Variants in GPC6 observed in about 807,000 individuals in gnomAD.
GPC6 encodes glypican-6.
Under a neutral mutation model 55.2 loss-of-function variants are expected in GPC6, and 14 were observed. The observed-to-expected ratio is 0.25, with a 90% CI of 0.17 to 0.40. The LOEUF (loss-of-function observed/expected upper bound fraction) is 0.40, where lower values mean the gene tolerates loss of function less well. Among genes scored for constraint, GPC6 ranks in the 10% least tolerant of loss-of-function variants. The pLI, the probability that GPC6 is intolerant of heterozygous loss-of-function variation, is 1.00. For synonymous variants in GPC6, 278 were observed against 259.6 expected (o/e 1.07, Z -0.68); for missense variants, 641 against 708.5 (o/e 0.90, Z 1.08).
chr13:94,190,121 C>A (rs1015170656), intron 4 of GPC6, among the ~76,000 whole-genome samples: 1 of 150,520 alleles, frequency 6.6e-6, no homozygotes, highest in Admixed American at 6.6e-5. Context: ...CCCAGGAGTT[C>A]GAGACCAGCC....
At chr13:94,374,099 A>G (rs9589980) in intron 6 of GPC6, among the ~76,000 whole-genome samples, 24,435 of 151,988 alleles carry the variant, frequency 0.16, 2,546 homozygotes, top group East Asian at 0.31. Flanking sequence ...GATACCAGCC[A>G]CTGCAAAATC....
intron 4 of GPC6, among the ~76,000 whole-genome samples, chr13:94,121,215 C>A (rs1298756774): frequency 6.6e-6 from 1 of 152,098 alleles, no homozygotes; most frequent in African/African-American, 2.4e-5. Context: ...CTCTGCCACA[C>A]CACTTTCTTC....
At chr13:94,147,263 ATTC>A (rs769335252) in intron 4 of GPC6, among the ~76,000 whole-genome samples, 2 of 151,972 alleles carry the variant, frequency 1.3e-5, no homozygotes, top group Non-Finnish European at 2.9e-5. Flanking sequence ...TATTTTCTTA[ATTC>A]TTTGCACATA....
intron 2 of GPC6, among the ~76,000 whole-genome samples, chr13:93,773,794 C>T (rs1285823236): frequency 6.6e-6 from 1 of 152,186 alleles, no homozygotes; most frequent in Non-Finnish European, 1.5e-5. Flanking sequence ...TTGAGTCTTA[C>T]AAGAGATTGC....
At chr13:93,890,357 G>A (rs984384072) in intron 3 of GPC6, among the ~76,000 whole-genome samples, 10 of 152,220 alleles carry the variant, frequency 6.6e-5, no homozygotes, top group African/African-American at 1.9e-4. Context: ...AAATAAGACA[G>A]AGTAGCTCTC....
intron 2 of GPC6, among the ~76,000 whole-genome samples, chr13:93,582,359 G>A (rs184767135): frequency 4.5e-4 from 68 of 152,290 alleles, no homozygotes; most frequent in Middle Eastern, 6.8e-3. Context: ...TTTCCCAAAT[G>A]TTTAGATGTA....
At chr13:94,332,561 A>C (rs1877479050) in intron 6 of GPC6, among the ~76,000 whole-genome samples, 1 of 152,250 alleles carries the variant, frequency 6.6e-6, no homozygotes, top group Non-Finnish European at 1.5e-5. Flanking sequence ...GGGCTGGCTC[A>C]GCCGTTGGTC....
intron 1 of GPC6, among the ~76,000 whole-genome samples, chr13:93,308,178 G>A (rs536913825): frequency 4.3e-4 from 66 of 152,200 alleles, no homozygotes; most frequent in African/African-American, 1.5e-3. Flanking sequence ...CCAGCTACTC[G>A]GGAGGCTGAG....
chr13:93,844,104 T>C (rs1888068984), intron 3 of GPC6, among the ~76,000 whole-genome samples: 1 of 152,116 alleles, frequency 6.6e-6, no homozygotes, highest in East Asian at 1.9e-4. Flanking sequence ...TTGCAAAGTC[T>C]CCTTTAAGCT....
In GPC6 at chr13:94,271,936, A is replaced by T. The variant is rs1035162568; in HGVS notation, c.878-14413A>T. On this transcript the variant is annotated intron_variant, in intron 4 of 8. Coordinates refer to ENST00000377047, the MANE Select transcript of GPC6 (RefSeq NM_005708.5). The stretch of plus-strand genomic sequence containing the variant: ...ATGAGATGAAGTCATTCACTTCCTA[A>T]AATGAGTTTTTTCATTTTTTTAAAA... Among the ~76,000 whole-genome samples, 3 of 152,302 alleles carry T rather than the reference A, an allele frequency of 2.0e-5. No individual in the cohort carries two copies. The East Asian group carries it at 5.8e-4, about 29-fold the overall frequency.
intron 4 of GPC6, among the ~76,000 whole-genome samples, chr13:94,165,637 A>C (rs1419731953): frequency 6.6e-6 from 1 of 151,800 alleles, no homozygotes; most frequent in African/African-American, 2.4e-5. Flanking sequence ...CCAAAAATCT[A>C]TGGAAATAAA....
At chr13:93,536,438 T>A (rs1053970081) in intron 1 of GPC6, among the ~76,000 whole-genome samples, 10 of 152,146 alleles carry the variant, frequency 6.6e-5, no homozygotes, top group Admixed American at 3.9e-4. Context: ...CTACTTTCTG[T>A]CTGCATGATT....
intron 3 of GPC6, among the ~76,000 whole-genome samples, chr13:94,005,590 C>T (rs1003419673): frequency 6.6e-6 from 1 of 152,136 alleles, no homozygotes; most frequent in Non-Finnish European, 1.5e-5. Context: ...AGTTGTACAA[C>T]TACTGATCAG....
At chr13:93,758,196 T>C (rs1884840614) in intron 2 of GPC6, among the ~76,000 whole-genome samples, 1 of 152,176 alleles carries the variant, frequency 6.6e-6, no homozygotes, top group Non-Finnish European at 1.5e-5. Context: ...CAGCTAACTT[T>C]GAAATGACTT....
intron 4 of GPC6, among the ~76,000 whole-genome samples, chr13:94,160,830 A>G (rs1888135904): frequency 6.6e-6 from 1 of 152,206 alleles, no homozygotes; most frequent in Non-Finnish European, 1.5e-5. Flanking sequence ...TAATTTTGGA[A>G]CACTGATTCA....
intron 4 of GPC6, among the ~76,000 whole-genome samples, chr13:94,049,936 A>T (rs1024198877): frequency 2.6e-5 from 4 of 152,110 alleles, no homozygotes; most frequent in African/African-American, 9.7e-5. Context: ...AATAAGTCTC[A>T]TGAGATCTGA....
intron 1 of GPC6, among the ~76,000 whole-genome samples, chr13:93,485,908 A>G (rs766382323): frequency 2.0e-5 from 3 of 152,216 alleles, no homozygotes; most frequent in Non-Finnish European, 2.9e-5. Flanking sequence ...ACAGATTATT[A>G]TATCAGCAAG....
At chr13:94,153,883 C>T (rs1887831954) in intron 4 of GPC6, among the ~76,000 whole-genome samples, 1 of 152,144 alleles carries the variant, frequency 6.6e-6, no homozygotes, top group Non-Finnish European at 1.5e-5. Context: ...GTAGGTTCTA[C>T]ATCTCTGAGT....
intron 3 of GPC6, among the ~76,000 whole-genome samples, chr13:93,961,370 G>T (rs1417200079): frequency 6.6e-6 from 1 of 152,202 alleles, no homozygotes; most frequent in Non-Finnish European, 1.5e-5. Flanking sequence ...CCAGCCAGGT[G>T]TTTGGAAAGT....
Sources: allele counts gnomAD v4.1 joint callset (sites outside exome capture counted in the v4.1 genomes callset), GRCh38; gene constraint gnomAD v4.1.1; transcripts MANE v1.5; gene names NCBI Gene and HGNC (gene_info 2026-07-23, HGNC 2026-07-21).